Variants in SPOCK3 observed in about 807,000 individuals in gnomAD.
SPOCK3 encodes the protein testican-3.
SPOCK3 carries 30 observed loss-of-function variants against 56.6 expected under a neutral mutation model. The observed-to-expected ratio is 0.53, with a 90% CI of 0.40 to 0.72. The LOEUF (loss-of-function observed/expected upper bound fraction) is 0.72, where lower values mean the gene tolerates loss of function less well. Ranked by LOEUF, SPOCK3 falls within the 30% of genes least tolerant of loss-of-function variation. The probability of loss-of-function intolerance (pLI) is 0.00; values close to 1 mark genes in which losing one functional copy is unlikely to be tolerated. For missense variants in SPOCK3, 527 were observed against 530.0 expected (o/e 0.99, Z 0.06); for synonymous variants, 196 against 183.3 (o/e 1.07, Z -0.56).
chr4:167,001,617 C>T lies in SPOCK3; in HGVS notation c.236-1154G>A, dbSNP rs369701943. Among the ~76,000 whole-genome samples, 28 of 152,244 alleles carry T rather than the reference C, an allele frequency of 1.8e-4. No homozygotes were observed. The East Asian group carries it at 3.3e-3, about 18-fold the overall frequency. Reference sequence around the variant, plus strand: ...TCGTTCATGGTTAATCCCAGTGACACTTTGTTGTAATTTATTGTTGGGGGC... The same window carrying T: ...TCGTTCATGGTTAATCCCAGTGACATTTTGTTGTAATTTATTGTTGGGGGC... On this transcript the variant is annotated intron_variant, in intron 3 of 10. Transcript: ENST00000357545.
intron 3 of SPOCK3, among the ~76,000 whole-genome samples, chr4:167,040,921 C>T (rs924733364): frequency 5.3e-5 from 8 of 152,178 alleles, no homozygotes; most frequent in Non-Finnish European, 1.0e-4. Context: ...TACAAAGTTA[C>T]AGTGAGTGGA....
At chr4:167,131,580 G>A (rs907271509) in intron 2 of SPOCK3, among the ~76,000 whole-genome samples, 9 of 152,062 alleles carry the variant, frequency 5.9e-5, no homozygotes, top group Non-Finnish European at 1.2e-4. Context: ...TCCAGCCTGG[G>A]CGACAGAGCA....
At chr4:167,088,744 T>C (rs1259082224) in intron 2 of SPOCK3, among the ~76,000 whole-genome samples, 1 of 152,134 alleles carries the variant, frequency 6.6e-6, no homozygotes, top group African/African-American at 2.4e-5. Flanking sequence ...ATTACAGGCG[T>C]GAGCCACCAT....
intron 7 of SPOCK3, among the ~76,000 whole-genome samples, chr4:166,779,537 T>C (rs866523141): frequency 6.6e-6 from 1 of 150,906 alleles, no homozygotes; most frequent in Non-Finnish European, 1.5e-5. Flanking sequence ...AAGGAAAAGG[T>C]AAGTAAACAT....
intron 5 of SPOCK3, among the ~76,000 whole-genome samples, chr4:166,895,377 A>G (rs1401529951): frequency 6.6e-6 from 1 of 152,138 alleles, no homozygotes; most frequent in Non-Finnish European, 1.5e-5. Context: ...GAAGAAATTA[A>G]CTATACAGAT....
intron 5 of SPOCK3, among the ~76,000 whole-genome samples, chr4:166,901,942 C>T (rs781603838): frequency 1.4e-4 from 22 of 152,014 alleles, no homozygotes; most frequent in Non-Finnish European, 2.6e-4. Flanking sequence ...GAGTGGCCTA[C>T]GTAGAGGAAC....
In SPOCK3 at chr4:166,738,238, TTGTG is replaced by T. The variant is rs112051649; in HGVS notation, c.995-638_995-635del. On this transcript the variant is annotated intron_variant, in intron 9 of 10. Coordinates refer to ENST00000357545, the MANE Select transcript of SPOCK3 (RefSeq NM_001040159.2). ...TCTTCCATTCTCTGTGTGTGTGTGT[TTGTG>T]TGTGTGTGTGTGTTGACTGTCCTTG... Among the ~76,000 whole-genome samples, 493 of 150,240 alleles carry T rather than the reference TTGTG, an allele frequency of 3.3e-3. 3 individuals are homozygous for T. Among genetic ancestry groups the T allele is most frequent in the African/African-American group, 0.011 (452 of 41,124 alleles).
rs1349251082 is a variant in SPOCK3, at chr4:167,205,313, ATT to A, written c.189+28670_189+28671del. On this transcript the variant is annotated intron_variant, in intron 2 of 10. Transcript: ENST00000357545. ...TTTATATCTATAATATATATTATATATTTTATATATATAATATATATTATATA... is the reference window on the plus strand; with the variant it reads ...TTTATATCTATAATATATATTATATATTATATATATAATATATATTATATA... 1.2e-3 allele frequency among the ~76,000 whole-genome samples: 59 copies of A among 50,126 alleles called. 2 individuals carry two copies. The highest frequency in any genetic ancestry group is 3.4e-3 in the African/African-American group (44 of 13,090). The allele number at this position is 50,126 out of a possible 152,430, so 32.9% of individuals were successfully genotyped here. A position where few individuals can be genotyped will look rare whatever the true frequency, so the allele number is the denominator to read the frequency against.
chr4:167,186,118 T>C (rs977141757), intron 2 of SPOCK3, among the ~76,000 whole-genome samples: 1 of 152,164 alleles, frequency 6.6e-6, no homozygotes, highest in Non-Finnish European at 1.5e-5. Flanking sequence ...AGAGTTTCTC[T>C]TTAGAATGAA....
intron 6 of SPOCK3, among the ~76,000 whole-genome samples, chr4:166,849,449 C>G (rs935363809): frequency 6.6e-6 from 1 of 151,732 alleles, no homozygotes; most frequent in Non-Finnish European, 1.5e-5. Context: ...GGAGTCTGCA[C>G]CCCACAGGAG....
At chr4:166,785,861 G>A (rs1166056691) in intron 7 of SPOCK3, among the ~76,000 whole-genome samples, 1 of 152,104 alleles carries the variant, frequency 6.6e-6, no homozygotes, top group Non-Finnish European at 1.5e-5. Context: ...CATTGTCCAG[G>A]TAACAATTTG....
At chr4:167,231,321 AAAT>A (rs149893547) in intron 2 of SPOCK3, among the ~76,000 whole-genome samples, 4,098 of 152,120 alleles carry the variant, frequency 0.027, 199 homozygotes, top group African/African-American at 0.093. Context: ...TCGGAAGAAA[AAAT>A]AATCATAAGG....
chr4:166,905,579 A>T (rs1736522378), intron 5 of SPOCK3, among the ~76,000 whole-genome samples: 2 of 151,992 alleles, frequency 1.3e-5, no homozygotes, highest in Non-Finnish European at 2.9e-5. Flanking sequence ...AATACTGAAC[A>T]CTTTTCTTAT....
At chr4:167,137,121 T>C (rs1763185883) in intron 2 of SPOCK3, among the ~76,000 whole-genome samples, 1 of 152,076 alleles carries the variant, frequency 6.6e-6, no homozygotes, top group Non-Finnish European at 1.5e-5. Flanking sequence ...TGCAGCCTCT[T>C]ATTTCCCTTT....
At chr4:166,929,100 G>T (rs1019728109) in intron 4 of SPOCK3, among the ~76,000 whole-genome samples, 1 of 152,166 alleles carries the variant, frequency 6.6e-6, no homozygotes, top group Non-Finnish European at 1.5e-5. Flanking sequence ...TCTGCAATGT[G>T]TGGGGGCAGT....
In SPOCK3 at chr4:166,928,748, A is replaced by T. The variant is rs550603468; in HGVS notation, c.351-16005T>A. Among the ~76,000 whole-genome samples, 140 of 152,246 alleles carry T rather than the reference A, an allele frequency of 9.2e-4. 1 individual carries two copies. Among genetic ancestry groups the T allele is most frequent in the Non-Finnish European group, 1.6e-3 (110 of 68,010 alleles). Reference sequence around the variant, plus strand: ...CACTTTGGGAGGCCTAGGCGGGCGGATCGTGAGGTCAGCAGTTCGAGACAG... The same window carrying T: ...CACTTTGGGAGGCCTAGGCGGGCGGTTCGTGAGGTCAGCAGTTCGAGACAG... On this transcript the variant is annotated intron_variant, in intron 4 of 10. Transcript: ENST00000357545.
intron 7 of SPOCK3, among the ~76,000 whole-genome samples, chr4:166,756,080 G>T (rs1285337868): frequency 2.8e-5 from 1 of 35,170 alleles, no homozygotes. Context: ...CCTGGGAAGC[G>T]CAAGGGGTCA....
intron 4 of SPOCK3, among the ~76,000 whole-genome samples, chr4:166,917,507 C>T (rs1379725586): frequency 6.6e-6 from 1 of 151,992 alleles, no homozygotes; most frequent in Non-Finnish European, 1.5e-5. Context: ...GACAGTAGCT[C>T]CACTGGAGTA....
At chr4:167,109,851 A>G (rs969676316) in intron 2 of SPOCK3, among the ~76,000 whole-genome samples, 1 of 151,836 alleles carries the variant, frequency 6.6e-6, no homozygotes, top group Non-Finnish European at 1.5e-5. Flanking sequence ...AGTATACTCC[A>G]TCATAAAATC....
Sources: gnomAD v4.1 joint callset for allele counts (sites outside exome capture counted in the v4.1 genomes callset) on GRCh38, gnomAD v4.1.1 for gene constraint, MANE v1.5 for transcripts, NCBI Gene and HGNC (gene_info 2026-07-23, HGNC 2026-07-21) for gene names.